PDE4D: variants seen among roughly 807,000 people sequenced by gnomAD.
PDE4D encodes the protein 3',5'-cyclic-AMP phosphodiesterase 4D.
In PDE4D, 24 loss-of-function variants were observed where a neutral mutation model predicts 87.4. The observed-to-expected ratio is 0.27, with a 90% CI of 0.20 to 0.39. The LOEUF is 0.39. Among genes scored for constraint, PDE4D ranks in the 10% least tolerant of loss-of-function variants. The probability of loss-of-function intolerance (pLI) is 1.00; values close to 1 mark genes in which losing one functional copy is unlikely to be tolerated. For missense variants in PDE4D, 714 were observed against 1,041.0 expected, an observed-to-expected ratio of 0.69 and a Z score of 4.32; for synonymous variants, 384 against 383.2, an observed-to-expected ratio of 1.00 and a Z score of -0.02.
Position 59,628,371 on chromosome 5 carries a change from T to C in PDE4D, c.455+264797A>G, listed in dbSNP as rs1032843383. ...TGCTTCTATGTCTAGAAATGTCCCA[T>C]AGAACTTCCTGCAGTAGCAGAAATG... On this transcript the variant is annotated intron_variant, in intron 1 of 14. Transcript: ENST00000340635. Among the ~76,000 whole-genome samples, 7 of 152,196 alleles carry C rather than the reference T, an allele frequency of 4.6e-5. 1 individual carries two copies. Among genetic ancestry groups the C allele is most frequent in the Admixed American group, 2.0e-4 (3 of 15,278 alleles).
intron 1 of PDE4D, among the ~76,000 whole-genome samples, chr5:59,402,195 A>G (rs1296828062): frequency 6.6e-6 from 1 of 152,246 alleles, no homozygotes; most frequent in African/African-American, 2.4e-5. Flanking sequence ...CATCTCGTTT[A>G]AAGTGTGAAT....
chr5:60,122,337 C>T (rs892341086), intron 2 of PDE4D, among the ~76,000 whole-genome samples: 2 of 152,236 alleles, frequency 1.3e-5, no homozygotes, highest in African/African-American at 2.4e-5. Context: ...CCACACTTCC[C>T]TAGCAGAGGT....
At chr5:59,116,927 A>G (rs1022347229) in intron 5 of PDE4D, among the ~76,000 whole-genome samples, 2 of 152,238 alleles carry the variant, frequency 1.3e-5, no homozygotes, top group Admixed American at 6.5e-5. Flanking sequence ...CTGCAAGATG[A>G]GAGGTTGCTT....
At chr5:60,482,897 C>T (rs1297095961) in intron 1 of PDE4D, among the ~76,000 whole-genome samples, 3 of 152,126 alleles carry the variant, frequency 2.0e-5, no homozygotes, top group African/African-American at 7.2e-5. Context: ...ATTGTCCTAG[C>T]TGCAAAATAT....
At chr5:60,322,947 T>A (rs1311812950) in intron 1 of PDE4D, among the ~76,000 whole-genome samples, 2 of 152,246 alleles carry the variant, frequency 1.3e-5, no homozygotes, top group Non-Finnish European at 2.9e-5. Flanking sequence ...CATTTTATAT[T>A]GCTGACCATC....
intron 1 of PDE4D, among the ~76,000 whole-genome samples, chr5:59,267,665 C>A (rs1255466842): frequency 6.6e-6 from 1 of 152,168 alleles, no homozygotes; most frequent in Admixed American, 6.6e-5. Flanking sequence ...ATTATATCTA[C>A]TGACAACTAA....
intron 2 of PDE4D, among the ~76,000 whole-genome samples, chr5:60,020,911 G>T (rs1248062134): frequency 6.6e-6 from 1 of 152,132 alleles, no homozygotes; most frequent in African/African-American, 2.4e-5. Context: ...TTGTTTAGAG[G>T]GTTAGCTCTG....
intron 1 of PDE4D, among the ~76,000 whole-genome samples, chr5:59,696,875 G>A (rs559686841): frequency 4.6e-4 from 70 of 152,062 alleles, no homozygotes; most frequent in East Asian, 1.9e-4. Flanking sequence ...TCTGTTGAAG[G>A]AATGAAGGAC....
At chr5:59,784,807 T>C (rs1372396923) in intron 1 of PDE4D, among the ~76,000 whole-genome samples, 1 of 152,144 alleles carries the variant, frequency 6.6e-6, no homozygotes, top group East Asian at 1.9e-4. Flanking sequence ...TGGTGGGAGA[T>C]AATTGAATCA....
At chr5:60,113,367 T>C (rs931127943) in intron 2 of PDE4D, among the ~76,000 whole-genome samples, 2 of 152,132 alleles carry the variant, frequency 1.3e-5, no homozygotes, top group Non-Finnish European at 2.9e-5. Context: ...ATCACAAAAG[T>C]GAACACAGAT....
chr5:59,279,268 G>A (rs1005317589), intron 1 of PDE4D, among the ~76,000 whole-genome samples: 15 of 152,196 alleles, frequency 9.9e-5, no homozygotes, highest in African/African-American at 3.6e-4. Context: ...GGGGACTGCA[G>A]TTTTTACAGT....
At chr5:59,098,563 G>A (rs1020304292) in intron 5 of PDE4D, among the ~76,000 whole-genome samples, 2 of 151,370 alleles carry the variant, frequency 1.3e-5, no homozygotes, top group African/African-American at 4.9e-5. Flanking sequence ...AAATTGCTGG[G>A]TATGGTGGCA....
chr5:59,353,829 T>C (rs752439715), intron 1 of PDE4D, among the ~76,000 whole-genome samples: 6 of 152,140 alleles, frequency 3.9e-5, no homozygotes, highest in Non-Finnish European at 8.8e-5. Flanking sequence ...CTTATAAAAA[T>C]GTATTTTACC....
chr5:59,814,134 C>T lies in PDE4D; in HGVS notation c.455+79034G>A, dbSNP rs952791269. Reference sequence around the variant, plus strand: ...CTCTGGGTCTCTTCCTTATTTTCCCCTTGTTCCTTCCTGGCACTAGGGGGC... The same window carrying T: ...CTCTGGGTCTCTTCCTTATTTTCCCTTTGTTCCTTCCTGGCACTAGGGGGC... On this transcript the variant is annotated intron_variant, in intron 1 of 14. Coordinates refer to ENST00000340635, the MANE Select transcript of PDE4D (RefSeq NM_001104631.2). Among the ~76,000 whole-genome samples the T allele has an allele frequency of 5.9e-5, 9 of 152,248 alleles. No homozygotes were observed. The South Asian group carries it at 1.0e-3, about 18-fold the overall frequency.
intron 3 of PDE4D, among the ~76,000 whole-genome samples, chr5:59,967,947 C>A (rs1157405614): frequency 1.4e-5 from 2 of 145,096 alleles, no homozygotes; most frequent in African/African-American, 5.1e-5. Context: ...TCTTTTGCAG[C>A]AACATGAATG....
At chr5:60,186,591 A>G (rs951917314) in intron 1 of PDE4D, among the ~76,000 whole-genome samples, 1 of 152,054 alleles carries the variant, frequency 6.6e-6, no homozygotes, top group African/African-American at 2.4e-5. Context: ...GCTTGGTCAA[A>G]CCACAAAAAC....
intron 1 of PDE4D, among the ~76,000 whole-genome samples, chr5:60,412,730 G>A (rs1742145051): frequency 6.6e-6 from 1 of 152,104 alleles, no homozygotes; most frequent in Non-Finnish European, 1.5e-5. Context: ...ATTTTGTTAA[G>A]TTTTTCTGTT....
At chr5:59,514,270 T>G (rs1443819494) in intron 1 of PDE4D, among the ~76,000 whole-genome samples, 3 of 152,030 alleles carry the variant, frequency 2.0e-5, no homozygotes, top group African/African-American at 7.2e-5. Context: ...CACGCCCAGC[T>G]AATTTTTCGT....
chr5:59,965,664 G>A (rs1759961011), intron 3 of PDE4D, among the ~76,000 whole-genome samples: 4 of 152,160 alleles, frequency 2.6e-5, no homozygotes. Flanking sequence ...ACAAGAAGCA[G>A]ATAGTTATGG....
Sources: allele counts gnomAD v4.1 joint callset (sites outside exome capture counted in the v4.1 genomes callset), GRCh38; gene constraint gnomAD v4.1.1; transcripts MANE v1.5; gene names NCBI Gene and HGNC (gene_info 2026-07-23, HGNC 2026-07-21).